Variants in CAPN15 observed in about 807,000 individuals in gnomAD.
The protein encoded by CAPN15 is calpain 15, also known as calpain-15.
Under a neutral mutation model 97.9 loss-of-function variants are expected in CAPN15, and 53 were observed. The observed-to-expected ratio is 0.54, with a 90% CI of 0.43 to 0.68. The LOEUF (loss-of-function observed/expected upper bound fraction) is 0.68. Among genes scored for constraint, CAPN15 ranks in the 30% least tolerant of loss-of-function variants. CAPN15 has a pLI of 0.00. For missense variants in CAPN15, 1,592 were observed against 1,589.8 expected (o/e 1.00, Z -0.02); for synonymous variants, 922 against 722.5 (o/e 1.28, Z -4.43).
chr16:543,402 G>A (rs2034291457), intron 3 of CAPN15: 1 of 153,084 alleles, frequency 6.5e-6, no homozygotes, highest in Non-Finnish European at 1.5e-5. Flanking sequence ...AGAGCCGCGG[G>A]GCAGGCGTGG....
chr16:553,589 C>T lies in CAPN15; in HGVS notation c.*73C>T, dbSNP rs571447267. 9.8e-5 allele frequency: 91 copies of T among 930,656 alleles called. No individual in the cohort carries two copies. Among genetic ancestry groups the T allele is most frequent in the Non-Finnish European group, 1.3e-4 (83 of 637,126 alleles). The allele number at this position is 930,656 out of a possible 1,614,324, so 57.6% of individuals were successfully genotyped here. On this transcript the variant is annotated 3_prime_UTR_variant, in exon 14 of 14. Coordinates refer to ENST00000219611, the MANE Select transcript of CAPN15 (RefSeq NM_005632.3). ...CACACGCACTTTATGAGGGAGACCC[C>T]GACAGAGGACGCTTGAGCCAGAATC... is the stretch of plus-strand genomic sequence containing the variant.
chr16:532,248 A>G (rs1303911733), intron 1 of CAPN15, among the ~76,000 whole-genome samples: 1 of 150,072 alleles, frequency 6.7e-6, no homozygotes, highest in Non-Finnish European at 1.5e-5. Flanking sequence ...TCAAAAAAAA[A>G]AAAAAGAAAA....
rs75069825 is a variant in CAPN15 at position 534,647 on chromosome 16, C to T, written c.-137+649C>T. Reference sequence around the variant, plus strand: ...CTTCAGGTTGTGGGCACCGACTGAGCTTCGTCCCGGTAGTGGCTGGCTCTT... The same window carrying T: ...CTTCAGGTTGTGGGCACCGACTGAGTTTCGTCCCGGTAGTGGCTGGCTCTT... On this transcript the variant is annotated intron_variant, in intron 2 of 13. Coordinates refer to ENST00000219611, the MANE Select transcript of CAPN15 (RefSeq NM_005632.3). Among the ~76,000 whole-genome samples the T allele has an allele frequency of 3.1e-3, 476 of 152,334 alleles. 2 individuals are homozygous for T. The highest frequency in any genetic ancestry group is 0.01 in the African/African-American group (428 of 41,578).
chr16:532,255 A>G (rs2033320128), intron 1 of CAPN15, among the ~76,000 whole-genome samples: 1 of 148,364 alleles, frequency 6.7e-6, no homozygotes, highest in Non-Finnish European at 1.5e-5. Flanking sequence ...AAAAAAAAAG[A>G]AAAAAAAGTA....
At chr16:548,334 C>T (rs1048348019) in intron 4 of CAPN15, 47 bp downstream of exon 4, 29 of 1,424,242 alleles carry the variant, frequency 2.0e-5, no homozygotes, top group South Asian at 3.0e-5. Flanking sequence ...CTCCTGCTCC[C>T]GCCCTCCCCT....
Position 534,273 on chromosome 16 carries a change from C to A in CAPN15, c.-137+275C>A, listed in dbSNP as rs182439244. The stretch of plus-strand genomic sequence containing the variant: ...TTGGGGACCTCCCCTGTGCTGTGGC[C>A]CCGGCCCCCAGATGGAGCTCCCCAT... On this transcript the variant is annotated intron_variant, in intron 2 of 13. Coordinates refer to ENST00000219611, the MANE Select transcript of CAPN15 (RefSeq NM_005632.3). Among the ~76,000 whole-genome samples, 431 of 152,382 alleles carry A rather than the reference C, an allele frequency of 2.8e-3. 1 individual carries two copies. The highest frequency in any genetic ancestry group is 9.8e-3 in the African/African-American group (406 of 41,590).
chr16:553,620 A>C lies in CAPN15; in HGVS notation c.*104A>C. The C allele has an allele frequency of 1.5e-6, 1 of 673,678 alleles. No homozygotes were observed. The highest frequency in any genetic ancestry group is 2.3e-6 in the Non-Finnish European group (1 of 438,998). The allele number at this position is 673,678 out of a possible 1,614,324, so 41.7% of individuals were successfully genotyped here. A position where few individuals can be genotyped will look rare whatever the true frequency, so the allele number is the denominator to read the frequency against. The stretch of plus-strand genomic sequence containing the variant: ...AGGACGCTTGAGCCAGAATCTCAGG[A>C]CCCCGCCCAGGGAGCTGCCAGCCCA... On this transcript the variant is annotated 3_prime_UTR_variant, in exon 14 of 14. Transcript: ENST00000219611.
At chr16:549,222 G>A (rs2142049818) in intron 5 of CAPN15, 21 bp downstream of exon 5, 4 of 1,560,418 alleles carry the variant, frequency 2.6e-6, no homozygotes, top group East Asian at 2.4e-5. Flanking sequence ...CTCCAAGGCC[G>A]GGGTGGGGCG....
chr16:539,923 T>G (rs2033997582), intron 3 of CAPN15: 1 of 225,826 alleles, frequency 4.4e-6, no homozygotes, highest in Non-Finnish European at 7.4e-6. Context: ...GGAGGAGCCC[T>G]GTGGGTGCCG....
chr16:547,076 C>T lies in CAPN15; in HGVS notation c.238C>T (p.Leu80=), dbSNP rs1376454457. ...GGAGCCTGCGCCTGGGGCTGCCTTC[C>T]TGCCAGTCCTCAACGGGGTCCTCCC... ...TPEPAPGAAF[L]PVLNGVLPKP... is the part of the protein sequence containing the mutation. Residue 80 remains leucine, a synonymous_variant, in exon 4 of 14, where the codon CTG becomes TTG. Transcript: ENST00000219611. 2 of 1,598,988 alleles carry T rather than the reference C, an allele frequency of 1.3e-6. No individual in the cohort carries two copies. Among genetic ancestry groups the T allele is most frequent in the Admixed American group, 1.7e-5 (1 of 59,112 alleles).
rs2034708260 is a variant in CAPN15, at chr16:547,863, C to A, written c.1025C>A (p.Thr342Asn). 3 of 1,611,440 alleles carry A rather than the reference C, an allele frequency of 1.9e-6. No homozygotes were observed. The highest frequency in any genetic ancestry group is 2.5e-6 in the Non-Finnish European group (3 of 1,179,468). ...GCCAGCCCCTCCAGCCCCGACTTCA[C>A]CACCTGGTCATGTGCCAAGTGCACG... ...TPASPSSPDF[T>N]TWSCAKCTLR... Residue 342 changes from threonine to asparagine, a missense_variant, in exon 4 of 14, where the codon ACC becomes AAC. Thr to Asn is a moderately conservative substitution (Grantham distance 65). Coordinates refer to ENST00000219611, the MANE Select transcript of CAPN15 (RefSeq NM_005632.3).
chr16:544,186 C>T (rs1209050357), intron 3 of CAPN15, among the ~76,000 whole-genome samples: 4 of 152,172 alleles, frequency 2.6e-5, no homozygotes, highest in South Asian at 2.1e-4. Context: ...GGAGGCACCA[C>T]GCCTGCCCCT....
chr16:552,435 G>C lies in CAPN15; in HGVS notation c.2642G>C (p.Ser881Thr). Reference protein sequence around the residue: ...HSKRAVKKFVSCDVMLEPGEY... With the variant: ...HSKRAVKKFVTCDVMLEPGEY... ...AAGCGCGCGGTCAAGAAGTTCGTCA[G>C]CTGCGACGTCATGCTGGAGCCTGGC... The change falls in exon 11 of 14, where the codon AGC becomes ACC. Residue 881 changes from serine (S) to threonine (T), a missense_variant. Coordinates refer to ENST00000219611, the MANE Select transcript of CAPN15 (RefSeq NM_005632.3). The surrounding 1 kb of genome is among the most constrained non-coding windows in gnomAD (Gnocchi z 6.4). 1 of 1,610,168 alleles carries C rather than the reference G, an allele frequency of 6.2e-7. No individual in the cohort carries two copies. Among genetic ancestry groups the C allele is most frequent in the Non-Finnish European group, 8.5e-7 (1 of 1,179,652 alleles).
At chr16:542,059 A>G (rs1290353204) in intron 3 of CAPN15, among the ~76,000 whole-genome samples, 1 of 120,718 alleles carries the variant, frequency 8.3e-6, no homozygotes, top group Admixed American at 7.9e-5. Flanking sequence ...AGGTGCGTGG[A>G]CGTGGGGCCA....
rs760292806 is a variant in CAPN15, at chr16:552,515, A to G, written c.2722A>G (p.Thr908Ala). ...CCACTGGGGGCCGCCCCTGCCGGGC[A>G]CCCCTGCCCCCCAGGGTACGTGGCC... ...FNHWGPPLPGTPAPQASSPSA... is the reference protein window; with the variant it reads ...FNHWGPPLPGAPAPQASSPSA... The change falls in exon 11 of 14, where the codon ACC (threonine) becomes GCC (alanine). Residue 908 changes from threonine (T) to alanine (A), a missense_variant. This residue lies in a region of CAPN15 where 644 missense variants were observed against 699.6 expected (regional missense o/e 0.92). Transcript: ENST00000219611. This position sits in a 1 kb window ranked among gnomAD's most constrained non-coding sequence, Gnocchi z 6.4. The G allele has an allele frequency of 3.1e-6, 5 of 1,602,408 alleles. No individual in the cohort carries two copies. The highest frequency in any genetic ancestry group is 2.2e-5 in the South Asian group (2 of 90,812).
At position 551,677 on chromosome 16, in the gene CAPN15, TGGGGCGGTGTGC is replaced by T. The variant is rs1428645781; in HGVS notation, c.2345+14_2345+25del. 3.2e-6 allele frequency: 5 copies of T among 1,584,236 alleles called. No individual in the cohort carries two copies. In the East Asian group the frequency reaches 6.8e-5, roughly 21 times the overall value. On this transcript the variant is annotated intron_variant, in intron 9 of 13. Transcript: ENST00000219611. Reference sequence around the variant, plus strand: ...GCGACTTTGTCAGGTATCGGCACCGTGGGGCGGTGTGCACGCCGCCCCCGCCCTCCTAGGGCC... The same window carrying T: ...GCGACTTTGTCAGGTATCGGCACCGTACGCCGCCCCCGCCCTCCTAGGGCC...
At position 535,201 on chromosome 16, in the gene CAPN15, G is replaced by T. The variant is rs1378923997; in HGVS notation, c.-136-828G>T. On this transcript the variant is annotated intron_variant, in intron 2 of 13. Coordinates refer to ENST00000219611, the MANE Select transcript of CAPN15 (RefSeq NM_005632.3). This position sits in a 1 kb window ranked among gnomAD's most constrained non-coding sequence, Gnocchi z 6.2. ...CGTCCCCACGGGTCACCCCCACTGA[G>T]CCCACCACCTACCGAGAGGCACCTC... The T allele has an allele frequency of 6.5e-6, 1 of 153,702 alleles. No individual in the cohort carries two copies. The highest frequency in any genetic ancestry group is 1.9e-4 in the East Asian group (1 of 5,198). 9.5% of individuals were successfully genotyped at this position (153,702 alleles called of 1,614,324 possible).
Position 549,747 on chromosome 16 carries a change from C to G in CAPN15, c.1975C>G (p.Leu659Val). The G allele has an allele frequency of 6.3e-7, 1 of 1,588,242 alleles. No homozygotes were observed. Among genetic ancestry groups the G allele is most frequent in the Non-Finnish European group, 8.6e-7 (1 of 1,167,782 alleles). ...ATLTGAPCES[L>V]ALQLSSTNPR... ...GCTCACCGGCGCCCCCTGTGAGAGC[C>G]TGGCGCTGCAGCTCAGCTCCACTAA... The change falls in exon 7 of 14, where the codon CTG becomes GTG. Residue 659 changes from leucine (L) to valine (V), a missense_variant. Leu to Val is a conservative substitution (Grantham distance 32). Coordinates refer to ENST00000219611, the MANE Select transcript of CAPN15 (RefSeq NM_005632.3).
chr16:543,024 G>C (rs562318072), intron 3 of CAPN15, among the ~76,000 whole-genome samples: 107 of 152,198 alleles, frequency 7.0e-4, no homozygotes, highest in East Asian at 3.1e-3. Context: ...GCACTCCAGT[G>C]TGGGCGACAG....
Sources: gnomAD v4.1 joint callset for allele counts (sites outside exome capture counted in the v4.1 genomes callset) on GRCh38, gnomAD v4.1.1 for gene constraint, gnomAD v4.1.1 regional missense constraint, Gnocchi (gnomAD v3.1) non-coding constraint, MANE v1.5 for transcripts, NCBI Gene and HGNC (gene_info 2026-07-23, HGNC 2026-07-21) for gene names.